KIAA0930: variants seen among roughly 807,000 people sequenced by gnomAD.
KIAA0930 encodes uncharacterized protein KIAA0930.
In KIAA0930, 24 loss-of-function variants were observed where a neutral mutation model predicts 43.9. The ratio of observed to expected loss-of-function variants is 0.55; its 90% CI spans 0.40 to 0.77. The LOEUF (loss-of-function observed/expected upper bound fraction) is 0.77. KIAA0930 is among the 30% of genes least tolerant of loss of function. The pLI, the probability that KIAA0930 is intolerant of heterozygous loss-of-function variation, is 0.00. For synonymous variants in KIAA0930, 259 were observed against 216.4 expected (o/e 1.20, Z -1.73); for missense variants, 461 against 574.2 (o/e 0.80, Z 2.02).
At chr22:45,201,699 A>C (rs2083590480) in intron 7 of KIAA0930, among the ~76,000 whole-genome samples, 1 of 152,146 alleles carries the variant, frequency 6.6e-6, no homozygotes, top group African/African-American at 2.4e-5. Context: ...AAAAAATAGC[A>C]CTTGCTGTCT....
intron 1 of KIAA0930, among the ~76,000 whole-genome samples, chr22:45,238,652 C>T (rs538169836): frequency 6.9e-4 from 105 of 152,286 alleles, no homozygotes; most frequent in African/African-American, 2.5e-3. Context: ...TTCTCTGCTT[C>T]AGAGCCCTGC....
chr22:45,216,172 C>T (rs958104557), intron 1 of KIAA0930, among the ~76,000 whole-genome samples: 3 of 152,204 alleles, frequency 2.0e-5, no homozygotes, highest in East Asian at 1.9e-4. Context: ...CTCTGATTCC[C>T]GGAGGCACAG....
rs576258961 is a variant in KIAA0930, at chr22:45,193,457, A to G, written c.*3719T>C. On this transcript the variant is annotated 3_prime_UTR_variant, in exon 10 of 10. Transcript: ENST00000336156. Reference sequence around the variant, plus strand: ...AAAAAAGTTTTACTTTGTTCTTCAAAAGTCTTCTACTAACTAGTCTATTTA... The same window carrying G: ...AAAAAAGTTTTACTTTGTTCTTCAAGAGTCTTCTACTAACTAGTCTATTTA... 1.3e-5 allele frequency: 2 copies of G among 152,330 alleles called. No individual in the cohort carries two copies. Among genetic ancestry groups the G allele is most frequent in the East Asian group, 3.9e-4 (2 of 5,188 alleles). 9.4% of individuals were successfully genotyped at this position (152,330 alleles called of 1,614,324 possible).
chr22:45,225,006 G>C (rs919694843), intron 1 of KIAA0930, among the ~76,000 whole-genome samples: 1 of 152,162 alleles, frequency 6.6e-6, no homozygotes, highest in Non-Finnish European at 1.5e-5. Context: ...CAAGGGCCTT[G>C]AGAGGGTCCT....
intron 1 of KIAA0930, among the ~76,000 whole-genome samples, chr22:45,238,721 A>G (rs2083900736): frequency 2.0e-5 from 3 of 152,058 alleles, no homozygotes; most frequent in Admixed American, 6.5e-5. Flanking sequence ...GGAGGCCTGG[A>G]GAAGAGACAA....
chr22:45,232,953 AC>A lies in KIAA0930; in HGVS notation c.64+7686del, dbSNP rs746364487. Among the ~76,000 whole-genome samples the A allele has an allele frequency of 8.3e-4, 125 of 151,508 alleles. 1 individual carries two copies. The highest frequency in any genetic ancestry group is 6.8e-3 in the Middle Eastern group (2 of 294). On this transcript the variant is annotated intron_variant, in intron 1 of 9. Transcript: ENST00000336156. ...CCGTGGAGTGTTAATTTTCCCACCCACCCCCGCCAGGTGTCAATGTCGATGA... is the reference window on the plus strand; with the variant it reads ...CCGTGGAGTGTTAATTTTCCCACCCACCCCGCCAGGTGTCAATGTCGATGA...
At chr22:45,212,268 T>C in intron 1 of KIAA0930, 161 bp from the exon 2 acceptor site, 2 of 1,613,226 alleles carry the variant, frequency 1.2e-6, no homozygotes, top group Non-Finnish European at 1.7e-6. Context: ...CCCCCACCCA[T>C]GGAGCATCCA....
intron 1 of KIAA0930, among the ~76,000 whole-genome samples, chr22:45,232,723 T>TG (rs1223417397): frequency 2.0e-4 from 31 of 152,304 alleles, no homozygotes; most frequent in Admixed American, 1.7e-3. Flanking sequence ...ACAGGAAGCC[T>TG]GGAGTCACAT....
intron 1 of KIAA0930, among the ~76,000 whole-genome samples, chr22:45,231,922 C>T (rs1244588279): frequency 1.3e-5 from 2 of 152,104 alleles, no homozygotes; most frequent in African/African-American, 4.8e-5. Flanking sequence ...ACCTGGGAGG[C>T]GGAGCTTGCA....
chr22:45,229,718 G>A (rs111487740), intron 1 of KIAA0930, among the ~76,000 whole-genome samples: 2,186 of 152,314 alleles, frequency 0.014, 82 homozygotes, highest in East Asian at 0.077. Flanking sequence ...CAAGTCTTAC[G>A]GCTGGGGCTC....
intron 1 of KIAA0930, among the ~76,000 whole-genome samples, chr22:45,238,410 T>C (rs1220711127): frequency 1.3e-5 from 2 of 152,230 alleles, no homozygotes; most frequent in Non-Finnish European, 2.9e-5. Context: ...AGGCCTCACC[T>C]GCTAACTGGG....
At chr22:45,208,851 A>G (rs2083665721) in intron 2 of KIAA0930, among the ~76,000 whole-genome samples, 2 of 152,076 alleles carry the variant, frequency 1.3e-5, no homozygotes, top group African/African-American at 4.8e-5. Flanking sequence ...TGGTTTTCTG[A>G]GTGGGTGTGA....
At chr22:45,203,705 C>G (rs2083610231) in intron 6 of KIAA0930, 140 bp downstream of exon 6, 2 of 903,530 alleles carry the variant, frequency 2.2e-6, no homozygotes, top group Non-Finnish European at 3.3e-6. Context: ...CTAGAAGGAG[C>G]CCGGAGGGGC....
intron 1 of KIAA0930, among the ~76,000 whole-genome samples, chr22:45,228,897 C>A (rs1178960410): frequency 3.8e-5 from 1 of 26,152 alleles, no homozygotes; most frequent in Non-Finnish European, 7.9e-5. Context: ...CCCCATCCCC[C>A]CAACCACTCA....
rs112060481 is a variant in KIAA0930, at chr22:45,199,863, G to A, written c.1015+10C>T. ...GCACGGGGACCCTAGGGCACGGAGT[G>A]GGGGGTCACCTCCACCGTCGTCCTC... is the stretch of plus-strand genomic sequence containing the variant. On this transcript the variant is annotated intron_variant, in intron 8 of 9. Coordinates refer to ENST00000336156, the MANE Select transcript of KIAA0930 (RefSeq NM_001009880.2). The A allele has an allele frequency of 1.2e-5, 19 of 1,557,248 alleles. No homozygotes were observed. The highest frequency in any genetic ancestry group is 9.6e-5 in the African/African-American group (7 of 72,956).
chr22:45,220,091 T>C (rs990057887), intron 1 of KIAA0930, among the ~76,000 whole-genome samples: 1 of 152,106 alleles, frequency 6.6e-6, no homozygotes, highest in African/African-American at 2.4e-5. Context: ...TTAAAAATAG[T>C]ATTTAAAAGA....
intron 5 of KIAA0930, among the ~76,000 whole-genome samples, chr22:45,204,578 G>A (rs891441574): frequency 6.6e-6 from 1 of 152,148 alleles, no homozygotes; most frequent in Non-Finnish European, 1.5e-5. Context: ...TCCTGCAGAC[G>A]CCCACGCCTT....
chr22:45,226,532 C>T (rs2083801948), intron 1 of KIAA0930: 1 of 333,402 alleles, frequency 3.0e-6, no homozygotes, highest in African/African-American at 2.2e-5. Context: ...GACCACCGCA[C>T]CTGCTGCCCG....
intron 1 of KIAA0930, among the ~76,000 whole-genome samples, chr22:45,239,668 C>A (rs1017107616): frequency 9.9e-5 from 15 of 152,198 alleles, no homozygotes; most frequent in African/African-American, 3.6e-4. Flanking sequence ...TTCTCTGGGA[C>A]TCAGTTTCCC....
Sources: gnomAD v4.1 joint callset for allele counts (sites outside exome capture counted in the v4.1 genomes callset) on GRCh38, gnomAD v4.1.1 for gene constraint, MANE v1.5 for transcripts, NCBI Gene and HGNC (gene_info 2026-07-23, HGNC 2026-07-21) for gene names.